The following DAB1 variants were observed in gnomAD, a reference collection of about 807,000 sequenced individuals.
DAB1 encodes disabled homolog 1.
Under a neutral mutation model 64.6 loss-of-function variants are expected in DAB1, and 15 were observed. The observed-to-expected ratio is 0.23, with a 90% CI of 0.16 to 0.36. The LOEUF (loss-of-function observed/expected upper bound fraction) is 0.36. Among genes scored for constraint, DAB1 ranks in the 10% least tolerant of loss-of-function variants. The pLI is 1.00. For missense variants in DAB1, 596 were observed against 706.7 expected (o/e 0.84, Z 1.78); for synonymous variants, 235 against 251.9 (o/e 0.93, Z 0.64).
chr1:57,341,961 C>T (rs1677625758), intron 1 of DAB1, among the ~76,000 whole-genome samples: 1 of 152,196 alleles, frequency 6.6e-6, no homozygotes, highest in Non-Finnish European at 1.5e-5. Context: ...TGTCTGGTAC[C>T]TTATGCCAGG....
intron 4 of DAB1, among the ~76,000 whole-genome samples, chr1:58,240,624 C>G (rs1660250889): frequency 6.6e-6 from 1 of 152,226 alleles, no homozygotes; most frequent in Non-Finnish European, 1.5e-5. Context: ...AACCACTTCA[C>G]TTGTCCAGCA....
intron 5 of DAB1, among the ~76,000 whole-genome samples, chr1:57,922,845 C>CAA (rs367897659): frequency 0.044 from 1,921 of 43,692 alleles, 189 homozygotes; most frequent in East Asian, 0.13. Context: ...GACTCCATCT[C>CAA]AAAAAAAAAA....
At chr1:57,627,231 AT>A (rs1175248493) in intron 7 of DAB1, among the ~76,000 whole-genome samples, 9 of 152,140 alleles carry the variant, frequency 5.9e-5, no homozygotes, top group Non-Finnish European at 1.2e-4. Context: ...AATCTACATT[AT>A]TGGCTCCCCT....
At chr1:57,635,538 T>C (rs987792487) in intron 7 of DAB1, among the ~76,000 whole-genome samples, 1 of 152,172 alleles carries the variant, frequency 6.6e-6, no homozygotes, top group Non-Finnish European at 1.5e-5. Context: ...TACTGCCTAA[T>C]GATCTGTCAC....
intron 3 of DAB1, among the ~76,000 whole-genome samples, chr1:58,380,582 C>T (rs1644378607): frequency 6.6e-6 from 1 of 152,138 alleles, no homozygotes; most frequent in Admixed American, 6.5e-5. Context: ...GTTATTCTGT[C>T]CCCTGAGACA....
In DAB1 at chr1:57,538,301, A is replaced by T. The variant is rs757802466; in HGVS notation, n.625+111291T>A. On this transcript the variant is annotated intron_variant and non_coding_transcript_variant, in intron 7 of 20. Coordinates refer to the DAB1 transcript ENST00000485760. ...CATGTACTTTTCCTGAGCAGCTAGC[A>T]TTCTTAGCTTCCTGCCAGAGGGCAC... Among the ~76,000 whole-genome samples, 4 of 152,112 alleles carry T rather than the reference A, an allele frequency of 2.6e-5. No homozygotes were observed. The East Asian group carries it at 7.7e-4, about 29-fold the overall frequency.
intron 4 of DAB1, among the ~76,000 whole-genome samples, chr1:58,321,938 G>A (rs1258812191): frequency 5.9e-5 from 9 of 152,230 alleles, no homozygotes; most frequent in Admixed American, 5.2e-4. Flanking sequence ...TTTGAGCTCT[G>A]AGAATGGACA....
intron 7 of DAB1, among the ~76,000 whole-genome samples, chr1:57,560,364 A>G (rs927383461): frequency 7.2e-5 from 11 of 152,270 alleles, no homozygotes; most frequent in Admixed American, 5.2e-4. Context: ...CTTATTGGTG[A>G]GACATTTGCA....
At position 58,539,035 on chromosome 1, in the gene DAB1, CTTT is replaced by C. The variant is rs1240808383; in HGVS notation, n.32+7665_32+7667del. On this transcript the variant is annotated intron_variant and non_coding_transcript_variant, in intron 1 of 20. Transcript: ENST00000485760. ...GCTGGTAATCCTCCAAATTTCCTTA[CTTT>C]TGGTACTTGAGAGGCCTCCTGTTCT... is the stretch of plus-strand genomic sequence containing the variant. 3 of 872,730 alleles carry C rather than the reference CTTT, an allele frequency of 3.4e-6. No individual in the cohort carries two copies. In the African/African-American group the frequency reaches 4.9e-5, roughly 14 times the overall value. The allele number at this position is 872,730 out of a possible 1,614,324, so 54.1% of individuals were successfully genotyped here. A position where few individuals can be genotyped will look rare whatever the true frequency, so the allele number is the denominator to read the frequency against.
chr1:58,349,184 G>T (rs947898349), intron 3 of DAB1, among the ~76,000 whole-genome samples: 2 of 152,136 alleles, frequency 1.3e-5, no homozygotes, highest in African/African-American at 2.4e-5. Flanking sequence ...CTGAGCTCCT[G>T]GGTTGCTCCA....
At chr1:56,998,863 C>T (rs966122370) in intron 14 of DAB1, among the ~76,000 whole-genome samples, 3 of 152,162 alleles carry the variant, frequency 2.0e-5, no homozygotes, top group African/African-American at 4.8e-5. Flanking sequence ...GCAATCCACA[C>T]CTAGATAGGA....
chr1:57,422,619 G>C (rs1488467022), intron 1 of DAB1, among the ~76,000 whole-genome samples: 1 of 152,134 alleles, frequency 6.6e-6, no homozygotes, highest in African/African-American at 2.4e-5. Flanking sequence ...GTAGCCAAGC[G>C]CCCCCGGCCT....
At chr1:58,238,335 G>A (rs148380294) in intron 4 of DAB1, among the ~76,000 whole-genome samples, 1 of 152,188 alleles carries the variant, frequency 6.6e-6, no homozygotes, top group African/African-American at 2.4e-5. Flanking sequence ...AACGGTAAAT[G>A]TGTCAAATGA....
At chr1:57,323,758 A>G (rs1675921555) in intron 1 of DAB1, among the ~76,000 whole-genome samples, 2 of 152,154 alleles carry the variant, frequency 1.3e-5, no homozygotes. Flanking sequence ...ATTTTGAAGC[A>G]CAGACTCCGG....
At chr1:58,092,481 G>A (rs1650727269) in intron 5 of DAB1, among the ~76,000 whole-genome samples, 1 of 152,092 alleles carries the variant, frequency 6.6e-6, no homozygotes, top group Admixed American at 6.5e-5. Context: ...CACAACTGGA[G>A]GCTAAAAAGG....
chr1:57,034,405 C>T (rs992916206), intron 9 of DAB1, among the ~76,000 whole-genome samples: 23 of 152,116 alleles, frequency 1.5e-4, no homozygotes, highest in African/African-American at 5.1e-4. Context: ...TGAAATCCTC[C>T]TGAGTGTCCT....
chr1:58,430,232 C>T (rs1302101150), intron 3 of DAB1, among the ~76,000 whole-genome samples: 4 of 152,158 alleles, frequency 2.6e-5, no homozygotes. Flanking sequence ...GTTGTGAAGG[C>T]AAAATAAGGT....
chr1:57,491,732 G>A (rs1023443683), intron 7 of DAB1, among the ~76,000 whole-genome samples: 1 of 152,202 alleles, frequency 6.6e-6, no homozygotes, highest in African/African-American at 2.4e-5. Flanking sequence ...AGTAGAATGA[G>A]AAGAGCGGCC....
chr1:57,800,158 C>T (rs1185125298), intron 6 of DAB1, among the ~76,000 whole-genome samples: 1 of 152,158 alleles, frequency 6.6e-6, no homozygotes, highest in East Asian at 1.9e-4. Flanking sequence ...AAGGCAGAGG[C>T]ATGATTTGAA....
Sources: gnomAD v4.1 joint callset for allele counts (sites outside exome capture counted in the v4.1 genomes callset) on GRCh38, gnomAD v4.1.1 for gene constraint, MANE v1.5 for transcripts, NCBI Gene and HGNC (gene_info 2026-07-23, HGNC 2026-07-21) for gene names.